Variants in DGCR2 observed in about 807,000 individuals in gnomAD.
DGCR2 encodes DiGeorge syndrome critical region gene 2, also known as integral membrane protein DGCR2/IDD.
Under a neutral mutation model 51.6 loss-of-function variants are expected in DGCR2, and 24 were observed. The ratio of observed to expected loss-of-function variants is 0.47; its 90% CI spans 0.34 to 0.65. The LOEUF (loss-of-function observed/expected upper bound fraction) is 0.65. Ranked by LOEUF, DGCR2 falls within the 30% of genes least tolerant of loss-of-function variation. The probability of loss-of-function intolerance (pLI) is 0.01; values close to 1 mark genes in which losing one functional copy is unlikely to be tolerated. For missense variants in DGCR2, 765 were observed against 772.1 expected (o/e 0.99, Z 0.11); for synonymous variants, 340 against 315.4 (o/e 1.08, Z -0.82).
intron 1 of DGCR2, among the ~76,000 whole-genome samples, chr22:19,092,922 G>A (rs1026754838): frequency 3.3e-5 from 5 of 151,518 alleles, no homozygotes; most frequent in Non-Finnish European, 4.4e-5. Flanking sequence ...GGAAAGAAAG[G>A]AAGAAGGAAG....
Position 19,122,192 on chromosome 22 carries a change from T to A in DGCR2, c.15A>T (p.Ala5=), listed in dbSNP as rs771968686. 1.4e-5 allele frequency: 21 copies of A among 1,509,234 alleles called. No homozygotes were observed. Among genetic ancestry groups the A allele is most frequent in the Non-Finnish European group, 1.7e-5 (19 of 1,128,130 alleles). 93.5% of individuals were successfully genotyped at this position (1,509,234 alleles called of 1,614,324 possible). A position where few individuals can be genotyped will look rare whatever the true frequency, so the allele number is the denominator to read the frequency against. MVPK[A]DSGAFLLLFL... is the part of the protein sequence containing the mutation. The stretch of plus-strand genomic sequence containing the variant: ...AGAGCAGCAGGAAGGCGCCGCTGTC[T>A]GCCTTGGGCACCATTTATCCTCCGT... The change falls in exon 1 of 10, where the codon GCA becomes GCT. Residue 5 remains alanine, a synonymous_variant. Coordinates refer to ENST00000263196, the MANE Select transcript of DGCR2 (RefSeq NM_005137.3).
intron 3 of DGCR2, among the ~76,000 whole-genome samples, chr22:19,066,169 G>A (rs1459907846): frequency 6.6e-6 from 1 of 152,228 alleles, no homozygotes; most frequent in Non-Finnish European, 1.5e-5. Context: ...GGAGGCCGAG[G>A]TGGGCAGATT....
intron 4 of DGCR2, among the ~76,000 whole-genome samples, chr22:19,064,321 G>T (rs550463742): frequency 2.0e-5 from 3 of 152,236 alleles, no homozygotes; most frequent in Non-Finnish European, 4.4e-5. Flanking sequence ...TGTGAGCTAA[G>T]AGTTAGTTTC....
intron 2 of DGCR2, among the ~76,000 whole-genome samples, chr22:19,069,029 C>T (rs1298817506): frequency 6.6e-6 from 1 of 152,234 alleles, no homozygotes; most frequent in Admixed American, 6.5e-5. Flanking sequence ...TACCCAAGGC[C>T]ATGGTGCAGG....
Position 19,064,859 on chromosome 22 carries a change from C to T in DGCR2, c.537G>A (p.Lys179=), listed in dbSNP as rs1347276587. 6.2e-7 allele frequency: 1 copy of T among 1,613,662 alleles called. No homozygotes were observed. The highest frequency in any genetic ancestry group is 1.1e-5 in the South Asian group (1 of 91,084). Residue 179 remains lysine (K), a synonymous_variant, in exon 4 of 10, where the codon AAG becomes AAA. Transcript: ENST00000263196. The stretch of plus-strand genomic sequence containing the variant: ...AATCCAGGACTCACTTGCGCTGGTC[C>T]TTCCAACCAAAGCTCCGCTCGGGCT... ...WDQPERSFGW[K]DQRKLWVGYQ...
In DGCR2 at chr22:19,068,330, C is replaced by G. The variant is rs1018801439; in HGVS notation, c.203-105G>C. ...CAGGGCTGCAAGGCCGGAGGGGGGG[C>G]CTGTAGCACAGAGTCCGGCAATGCA... On this transcript the variant is annotated intron_variant, in intron 2 of 9. Transcript: ENST00000263196. 6.3e-5 allele frequency: 84 copies of G among 1,330,062 alleles called. No homozygotes were observed. The African/African-American group carries it at 1.2e-3, about 18-fold the overall frequency. The allele number at this position is 1,330,062 out of a possible 1,614,324, so 82.4% of individuals were successfully genotyped here. A position where few individuals can be genotyped will look rare whatever the true frequency, so the allele number is the denominator to read the frequency against.
intron 2 of DGCR2, among the ~76,000 whole-genome samples, chr22:19,088,184 C>T (rs2083039317): frequency 6.6e-6 from 1 of 152,170 alleles, no homozygotes; most frequent in Non-Finnish European, 1.5e-5. Flanking sequence ...GGCCAAGTCC[C>T]ACTAAGGAAG....
At chr22:19,118,560 G>T (rs1249676532) in intron 1 of DGCR2, among the ~76,000 whole-genome samples, 3 of 152,154 alleles carry the variant, frequency 2.0e-5, no homozygotes, top group African/African-American at 7.2e-5. Context: ...CACCAGCTGT[G>T]TGACCTTAGA....
chr22:19,046,706 A>G, intron 7 of DGCR2: 1 of 424,998 alleles, frequency 2.4e-6, no homozygotes, highest in South Asian at 1.6e-5. Flanking sequence ...TCAGGAGCCC[A>G]TGGAAGCATG....
At chr22:19,050,924 C>T (rs2082541163) in intron 6 of DGCR2, among the ~76,000 whole-genome samples, 1 of 152,152 alleles carries the variant, frequency 6.6e-6, no homozygotes, top group South Asian at 2.1e-4. Flanking sequence ...TTCAGTGGCT[C>T]GCACCTGTAA....
rs945637182 is a variant in DGCR2, at chr22:19,122,387, G to A, written c.-181C>T. 4 of 455,692 alleles carry A rather than the reference G, an allele frequency of 8.8e-6. No homozygotes were observed. The highest frequency in any genetic ancestry group is 2.1e-5 in the African/African-American group (1 of 48,048). The allele number at this position is 455,692 out of a possible 1,614,324, so 28.2% of individuals were successfully genotyped here. On this transcript the variant is annotated 5_prime_UTR_variant, in exon 1 of 10. Transcript: ENST00000263196. ...CGCACACTCTCGGCTGCAACCTCAG[G>A]CACCGACTCCAGCTGCGCGCAAGAT...
intron 9 of DGCR2, among the ~76,000 whole-genome samples, chr22:19,039,988 A>G (rs1466557993): frequency 6.6e-6 from 1 of 152,148 alleles, no homozygotes; most frequent in African/African-American, 2.4e-5. Flanking sequence ...GCTGGATTAC[A>G]GGTGTGAGCC....
chr22:19,067,969 T>C, intron 3 of DGCR2, 131 bp downstream of exon 3: 1 of 1,295,748 alleles, frequency 7.7e-7, no homozygotes, highest in African/African-American at 1.5e-5. Flanking sequence ...TGCAGCCTCA[T>C]TCATTCCCCT....
chr22:19,055,409 A>T (rs542002013), intron 6 of DGCR2, among the ~76,000 whole-genome samples: 8 of 152,322 alleles, frequency 5.3e-5, no homozygotes, highest in African/African-American at 1.9e-4. Flanking sequence ...CATTCTGTAG[A>T]ATATTGATAC....
At chr22:19,041,582 GACCCTC>G in intron 8 of DGCR2, 1 of 609,936 alleles carries the variant, frequency 1.6e-6, no homozygotes, top group Non-Finnish European at 2.9e-6. Context: ...CCGGGCCTCT[GACCCTC>G]AGAGGCCTCC....
At chr22:19,056,582 A>G in intron 6 of DGCR2, 1 of 376,004 alleles carries the variant, frequency 2.7e-6, no homozygotes, top group Non-Finnish European at 4.9e-6. Flanking sequence ...CACACCATAG[A>G]CTGGCAAGGT....
At chr22:19,070,468 C>A (rs1481067440) in intron 2 of DGCR2, among the ~76,000 whole-genome samples, 1 of 152,162 alleles carries the variant, frequency 6.6e-6, no homozygotes, top group Non-Finnish European at 1.5e-5. Flanking sequence ...GCCTCTTCCC[C>A]AAGCCAAGCA....
At chr22:19,074,898 T>C (rs1601238107) in intron 2 of DGCR2, among the ~76,000 whole-genome samples, 5 of 152,174 alleles carry the variant, frequency 3.3e-5, no homozygotes, top group Admixed American at 3.3e-4. Context: ...CTACAGGGGT[T>C]GATGTCCTCT....
chr22:19,039,083 C>A lies in DGCR2; in HGVS notation c.1435G>T (p.Ala479Ser), dbSNP rs2082403433. The change falls in exon 10 of 10, where the codon GCC (alanine) becomes TCC (serine). Residue 479 changes from alanine to serine, a missense_variant. Transcript: ENST00000263196. ...CCTTCACTCCCACCATCCCCAGGGG[C>A]TGGCAGGCTGACCTCCACAGGCTCA... is the stretch of plus-strand genomic sequence containing the variant. ...AFEPVEVSLP[A>S]PGDGGSEGAL... is the part of the protein sequence containing the mutation. The A allele has an allele frequency of 6.2e-7, 1 of 1,613,222 alleles. No homozygotes were observed. Among genetic ancestry groups the A allele is most frequent in the Non-Finnish European group, 8.5e-7 (1 of 1,179,982 alleles).
Sources: allele counts gnomAD v4.1 joint callset (sites outside exome capture counted in the v4.1 genomes callset), GRCh38; gene constraint gnomAD v4.1.1; transcripts MANE v1.5; gene names NCBI Gene and HGNC (gene_info 2026-07-23, HGNC 2026-07-21).